The following CACNA1B variants were observed in gnomAD, a reference collection of about 807,000 sequenced individuals.
The protein encoded by CACNA1B is calcium voltage-gated channel subunit alpha1 B, also known as voltage-dependent N-type calcium channel subunit alpha-1B.
Under a neutral mutation model 247.2 loss-of-function variants are expected in CACNA1B, and 70 were observed. The ratio of observed to expected loss-of-function variants is 0.28; its 90% CI spans 0.23 to 0.35. The LOEUF is 0.35. CACNA1B is among the 10% of genes least tolerant of loss of function. The pLI is 1.00. For synonymous variants in CACNA1B, 1,231 were observed against 1,294.4 expected (o/e 0.95, Z 1.05); for missense variants, 2,367 against 3,197.4 (o/e 0.74, Z 6.26).
At chr9:137,969,976 TACAA>T (rs1192628199) in intron 10 of CACNA1B, among the ~76,000 whole-genome samples, 1 of 152,044 alleles carries the variant, frequency 6.6e-6, no homozygotes, top group Non-Finnish European at 1.5e-5. Context: ...CACACATGTG[TACAA>T]ACACACAGAA....
At chr9:137,903,278 C>T (rs1427564270) in intron 3 of CACNA1B, among the ~76,000 whole-genome samples, 13 of 151,998 alleles carry the variant, frequency 8.6e-5, no homozygotes, top group African/African-American at 2.9e-4. Flanking sequence ...CCCAGCTACT[C>T]GGGAGCCTGA....
At chr9:138,096,306 C>A (rs925083717) in intron 36 of CACNA1B, among the ~76,000 whole-genome samples, 178 bp from the exon 37 acceptor site, 2 of 151,948 alleles carry the variant, frequency 1.3e-5, no homozygotes, top group Admixed American at 6.6e-5. Context: ...TTCCAGAACC[C>A]CGTGAAGGCA....
intron 41 of CACNA1B, 83 bp from the exon 42 acceptor site, chr9:138,115,469 C>A: frequency 6.9e-7 from 1 of 1,444,506 alleles, no homozygotes; most frequent in Non-Finnish European, 9.4e-7. Context: ...GCTTTTGCCC[C>A]ATGCCACATG....
At position 138,061,056 on chromosome 9, in the gene CACNA1B, C is replaced by T. The variant is rs1044063244; in HGVS notation, c.4668+1319C>T. Among the ~76,000 whole-genome samples, 10 of 152,186 alleles carry T rather than the reference C, an allele frequency of 6.6e-5. No homozygotes were observed. In the East Asian group the frequency reaches 1.5e-3, roughly 23 times the overall value. On this transcript the variant is annotated intron_variant, in intron 31 of 46. Coordinates refer to ENST00000371372, the MANE Select transcript of CACNA1B (RefSeq NM_000718.4). Reference sequence around the variant, plus strand: ...CCGTTCTTTTTCCAACCCTGGCTGCCGTGGTAATCCAGTCGCAGTGAAGAC... The same window carrying T: ...CCGTTCTTTTTCCAACCCTGGCTGCTGTGGTAATCCAGTCGCAGTGAAGAC...
chr9:138,112,414 T>A lies in CACNA1B; in HGVS notation c.5445T>A (p.His1815Gln). ...CTGGTGCAGCTGGGACAAAGCAGCA[T>A]CAGTGTGACGCGGAGTTGAGGAAGG... ...IKLAPAGTKQ[H>Q]QCDAELRKEI... The change falls in exon 40 of 47, where the codon CAT becomes CAA. Residue 1815 changes from histidine (H) to glutamine (Q), a missense_variant. Physicochemically the swap from His to Gln is conservative, Grantham distance 24 (BLOSUM62 0). This residue lies in a region of CACNA1B where 773 missense variants were observed against 779.4 expected (regional missense o/e 0.99). Coordinates refer to ENST00000371372, the MANE Select transcript of CACNA1B (RefSeq NM_000718.4). 2 of 1,612,894 alleles carry A rather than the reference T, an allele frequency of 1.2e-6. No homozygotes were observed. The highest frequency in any genetic ancestry group is 1.7e-6 in the Non-Finnish European group (2 of 1,178,874).
chr9:137,916,822 GGTTTGGCTGTGAGGGAGGCA>G (rs902735905), intron 5 of CACNA1B, among the ~76,000 whole-genome samples: 9 of 140,746 alleles, frequency 6.4e-5, no homozygotes, highest in African/African-American at 2.1e-4. Flanking sequence ...TCAGCGTGGT[GGTTTGGCTGTGAGGGAGGCA>G]GTTTGGCTGT....
rs189767248 is a variant in CACNA1B, at chr9:138,064,813, A to C, written c.4669-4945A>C. ...AGAGCCTTCTCTTCTTCCCAAAGGAATCCCTGCTCCATGACAGCATCTCCT... is the reference window on the plus strand; with the variant it reads ...AGAGCCTTCTCTTCTTCCCAAAGGACTCCCTGCTCCATGACAGCATCTCCT... On this transcript the variant is annotated intron_variant, in intron 31 of 46. Coordinates refer to ENST00000371372, the MANE Select transcript of CACNA1B (RefSeq NM_000718.4). Among the ~76,000 whole-genome samples the C allele has an allele frequency of 1.7e-3, 254 of 152,350 alleles. 1 individual carries two copies. Among genetic ancestry groups the C allele is most frequent in the African/African-American group, 5.3e-3 (222 of 41,578 alleles).
At chr9:138,112,713 TG>T (rs1468658265) in intron 40 of CACNA1B, among the ~76,000 whole-genome samples, 1 of 152,306 alleles carries the variant, frequency 6.6e-6, no homozygotes, top group South Asian at 2.1e-4. Flanking sequence ...TTTGTTGTGT[TG>T]AGCTCCTGGT....
rs1412447014 is a variant in CACNA1B at position 137,882,139 on chromosome 9, G to C, written c.391-605G>C. Among the ~76,000 whole-genome samples the C allele has an allele frequency of 6.6e-6, 1 of 152,164 alleles. No individual in the cohort carries two copies. The highest frequency in any genetic ancestry group is 1.9e-4 in the East Asian group (1 of 5,184). The stretch of plus-strand genomic sequence containing the variant: ...AGATGTGCATGTTCTGGTTACCCGG[G>C]TGCATGTTGAATGCATAAACGGGGC... On this transcript the variant is annotated intron_variant, in intron 2 of 46. Transcript: ENST00000371372. This position sits in a 1 kb window ranked among gnomAD's most constrained non-coding sequence, Gnocchi z 4.0.
chr9:138,011,149 C>T lies in CACNA1B; in HGVS notation c.2160+1072C>T, dbSNP rs1958719327. On this transcript the variant is annotated intron_variant, in intron 17 of 46. Transcript: ENST00000371372. The surrounding 1 kb of genome is among the most constrained non-coding windows in gnomAD (Gnocchi z 4.2). Reference sequence around the variant, plus strand: ...GTTTCTGGCTTCTCTCTGTTCCTGTCTTCAGCTGGGCCGCTTGGGTTGGGG... The same window carrying T: ...GTTTCTGGCTTCTCTCTGTTCCTGTTTTCAGCTGGGCCGCTTGGGTTGGGG... Among the ~76,000 whole-genome samples the T allele has an allele frequency of 6.6e-6, 1 of 152,232 alleles. No individual in the cohort carries two copies.
At chr9:138,017,156 G>A (rs776636453) in intron 18 of CACNA1B, 4 of 518,942 alleles carry the variant, frequency 7.7e-6, no homozygotes, top group African/African-American at 3.8e-5. Context: ...AAGCAAGCTC[G>A]AGGTACTGTA....
chr9:138,100,822 CAG>C lies in CACNA1B; in HGVS notation c.5223-1888_5223-1887del, dbSNP rs1283847443. Among the ~76,000 whole-genome samples, 1 of 152,144 alleles carries C rather than the reference CAG, an allele frequency of 6.6e-6. No homozygotes were observed. Among genetic ancestry groups the C allele is most frequent in the Admixed American group, 6.5e-5 (1 of 15,280 alleles). Reference sequence around the variant, plus strand: ...GGGAGGCCCAGGGAGCATCGTCACTCAGGGAGTGAGAGGAAGAGCTGACCGAG... The same window carrying C: ...GGGAGGCCCAGGGAGCATCGTCACTCGGAGTGAGAGGAAGAGCTGACCGAG... On this transcript the variant is annotated intron_variant, in intron 37 of 46. Transcript: ENST00000371372. The surrounding 1 kb of genome is among the most constrained non-coding windows in gnomAD (Gnocchi z 4.6).
At chr9:137,895,222 A>T (rs1338391327) in intron 3 of CACNA1B, among the ~76,000 whole-genome samples, 1 of 152,184 alleles carries the variant, frequency 6.6e-6, no homozygotes. Flanking sequence ...CCCTCGTACC[A>T]CACAGTCCTG....
At chr9:138,070,554 G>T (rs1960090666) in intron 32 of CACNA1B, among the ~76,000 whole-genome samples, 1 of 152,260 alleles carries the variant, frequency 6.6e-6, no homozygotes, top group Admixed American at 6.5e-5. Flanking sequence ...TGTGACTGTG[G>T]AAATTAATAT....
chr9:137,947,654 C>G (rs1957812508), intron 6 of CACNA1B, among the ~76,000 whole-genome samples: 1 of 151,190 alleles, frequency 6.6e-6, no homozygotes, highest in Non-Finnish European at 1.5e-5. Context: ...TCCTGGTTTC[C>G]CTAGTTTTTC....
In CACNA1B at chr9:138,020,233, C is replaced by A. The variant is rs551784468; in HGVS notation, c.2268-2778C>A. On this transcript the variant is annotated intron_variant, in intron 18 of 46. Transcript: ENST00000371372. The surrounding 1 kb of genome is among the most constrained non-coding windows in gnomAD (Gnocchi z 4.1). ...AGGGCCACAGAGCGCCTTGAGGCCA[C>A]TTCCAAGTCCTGTAGTTCCCCACAG... 2.6e-5 allele frequency among the ~76,000 whole-genome samples: 4 copies of A among 152,316 alleles called. No homozygotes were observed. Among genetic ancestry groups the A allele is most frequent in the African/African-American group, 7.2e-5 (3 of 41,570 alleles).
chr9:138,120,592 T>A, intron 45 of CACNA1B, 39 bp from the exon 46 acceptor site: 1 of 1,470,348 alleles, frequency 6.8e-7, no homozygotes, highest in East Asian at 2.5e-5. Flanking sequence ...GTCCCTGCCT[T>A]GGGCCTGGCC....
intron 20 of CACNA1B, among the ~76,000 whole-genome samples, chr9:138,039,266 A>ATT (rs1246089820): frequency 6.6e-6 from 1 of 151,846 alleles, no homozygotes; most frequent in African/African-American, 2.4e-5. Flanking sequence ...TAATTCAAAT[A>ATT]GAAGATTGTA....
At chr9:138,064,479 CACTT>C (rs1959844732) in intron 31 of CACNA1B, among the ~76,000 whole-genome samples, 1 of 152,210 alleles carries the variant, frequency 6.6e-6, no homozygotes, top group Non-Finnish European at 1.5e-5. Context: ...GCCTTCTGCT[CACTT>C]ACTTTCATTC....
Sources: gnomAD v4.1 joint callset for allele counts (sites outside exome capture counted in the v4.1 genomes callset) on GRCh38, gnomAD v4.1.1 for gene constraint, gnomAD v4.1.1 regional missense constraint, Gnocchi (gnomAD v3.1) non-coding constraint, MANE v1.5 for transcripts, NCBI Gene and HGNC (gene_info 2026-07-23, HGNC 2026-07-21) for gene names.